The following FOCAD variants were observed in gnomAD, a reference collection of about 807,000 sequenced individuals.
FOCAD encodes the protein focadhesin, also known as KIAA1797.
Under a neutral mutation model 225.6 loss-of-function variants are expected in FOCAD, and 198 were observed. The observed-to-expected ratio is 0.88, with a 90% CI of 0.78 to 0.99. The LOEUF (loss-of-function observed/expected upper bound fraction) is 0.99. FOCAD is among the 50% of genes least tolerant of loss of function. FOCAD has a pLI of 0.00. For synonymous variants in FOCAD, 897 were observed against 755.0 expected (o/e 1.19, Z -3.08); for missense variants, 2,713 against 2,123.6 (o/e 1.28, Z -5.46).
At chr9:20,750,096 T>G (rs1828412278) in intron 5 of FOCAD, among the ~76,000 whole-genome samples, 1 of 152,168 alleles carries the variant, frequency 6.6e-6, no homozygotes, top group Non-Finnish European at 1.5e-5. Flanking sequence ...TGCTTTTTTC[T>G]TCTCTGAACA....
rs528696228 is a variant in FOCAD at position 20,694,832 on chromosome 9, A to G, written c.-33+10539A>G. Reference sequence around the variant, plus strand: ...ATTCATTAACAACCCTAACAAAATTAATACCAATTCCTAAATATTATCCAA... The same window carrying G: ...ATTCATTAACAACCCTAACAAAATTGATACCAATTCCTAAATATTATCCAA... On this transcript the variant is annotated intron_variant, in intron 1 of 43. Coordinates refer to ENST00000338382, the MANE Select transcript of FOCAD (RefSeq NM_001375567.1). 1.4e-3 allele frequency among the ~76,000 whole-genome samples: 206 copies of G among 152,336 alleles called. 1 individual carries two copies. The highest frequency in any genetic ancestry group is 4.8e-3 in the African/African-American group (198 of 41,588).
chr9:20,949,539 G>A lies in FOCAD; in HGVS notation c.3877-65G>A, dbSNP rs866141415. The A allele has an allele frequency of 6.9e-5, 71 of 1,031,718 alleles. No homozygotes were observed. The Admixed American group carries it at 6.9e-4, about 10-fold the overall frequency. 63.9% of individuals were successfully genotyped at this position (1,031,718 alleles called of 1,614,324 possible). The stretch of plus-strand genomic sequence containing the variant: ...TTAGAAGATGGATAGCTCATGCACC[G>A]GGAATATAACTCTTAACTTTTTTAT... On this transcript the variant is annotated intron_variant, in intron 32 of 43. Coordinates refer to ENST00000338382, the MANE Select transcript of FOCAD (RefSeq NM_001375567.1).
At chr9:20,673,968 G>C (rs1822154126) in intron 2 of FOCAD, among the ~76,000 whole-genome samples, 1 of 152,106 alleles carries the variant, frequency 6.6e-6, no homozygotes, top group African/African-American at 2.4e-5. Flanking sequence ...TTGAAAATTT[G>C]TCAATTGTTC....
At chr9:20,874,658 G>A in intron 18 of FOCAD, 23 bp from the exon 19 acceptor site, 2 of 1,609,494 alleles carry the variant, frequency 1.2e-6, no homozygotes, top group Non-Finnish European at 8.5e-7. Flanking sequence ...TCCTCTCTAT[G>A]ATCTTTTCGC....
chr9:20,990,911 CCAG>C (rs1205056857), intron 42 of FOCAD, among the ~76,000 whole-genome samples: 6 of 152,114 alleles, frequency 3.9e-5, no homozygotes, highest in African/African-American at 1.4e-4. Flanking sequence ...CTCCAGGCAC[CCAG>C]TGTGCCCTGG....
chr9:20,800,348 G>C (rs1345233012), intron 11 of FOCAD, among the ~76,000 whole-genome samples: 1 of 152,056 alleles, frequency 6.6e-6, no homozygotes, highest in Non-Finnish European at 1.5e-5. Context: ...TTCTCGAGGA[G>C]TATCTTTGTG....
At chr9:20,772,628 A>C (rs962700476) in intron 8 of FOCAD, among the ~76,000 whole-genome samples, 1 of 152,106 alleles carries the variant, frequency 6.6e-6, no homozygotes, top group Non-Finnish European at 1.5e-5. Flanking sequence ...TAGCATATAA[A>C]AGCTTATTGT....
chr9:20,726,757 G>T (rs572016094), intron 4 of FOCAD, among the ~76,000 whole-genome samples: 55 of 151,960 alleles, frequency 3.6e-4, no homozygotes, highest in Non-Finnish European at 6.9e-4. Flanking sequence ...TGTCTCTCAG[G>T]GTCTTCTCTT....
intron 19 of FOCAD, chr9:20,875,299 T>G (rs1830139906): frequency 6.4e-6 from 1 of 155,746 alleles, no homozygotes; most frequent in Non-Finnish European, 1.4e-5. Context: ...ATGGATCAAA[T>G]TGTATGGTCA....
At position 20,784,330 on chromosome 9, in the gene FOCAD, A is replaced by G. The variant is rs74830243; in HGVS notation, c.1197+2401A>G. ...TTGCAGTGTCTCTCCTATGCTCTCT[A>G]TTGACAAGGTCTAACACTAGACCAG... is the stretch of plus-strand genomic sequence containing the variant. On this transcript the variant is annotated intron_variant, in intron 10 of 43. Transcript: ENST00000338382. 1.8e-3 allele frequency among the ~76,000 whole-genome samples: 269 copies of G among 152,324 alleles called. 3 individuals carry two copies. The East Asian group carries it at 0.044, about 25-fold the overall frequency.
intron 1 of FOCAD, among the ~76,000 whole-genome samples, chr9:20,685,368 G>A (rs2131317027): frequency 6.6e-6 from 1 of 152,130 alleles, no homozygotes; most frequent in Admixed American, 6.5e-5. Flanking sequence ...GAGGGTAGAT[G>A]GCATGTTTCC....
intron 5 of FOCAD, among the ~76,000 whole-genome samples, chr9:20,743,524 A>AGGG (rs111931309): frequency 0.018 from 2,715 of 152,306 alleles, 76 homozygotes; most frequent in African/African-American, 0.062. Context: ...AGAACCAAGA[A>AGGG]TGTTAGGCGG....
intron 29 of FOCAD, among the ~76,000 whole-genome samples, chr9:20,946,459 G>A (rs185903427): frequency 2.6e-4 from 40 of 152,304 alleles, no homozygotes; most frequent in Non-Finnish European, 4.7e-4. Context: ...TCACTTGCTA[G>A]CTACATGAAA....
At chr9:20,931,802 G>C (rs970720162) in intron 27 of FOCAD, among the ~76,000 whole-genome samples, 4 of 151,918 alleles carry the variant, frequency 2.6e-5, no homozygotes, top group Non-Finnish European at 5.9e-5. Context: ...GGAAGCTGAG[G>C]CTTGAGAATT....
intron 35 of FOCAD, among the ~76,000 whole-genome samples, chr9:20,954,322 A>G (rs1053274785): frequency 5.9e-5 from 9 of 152,222 alleles, no homozygotes; most frequent in African/African-American, 1.7e-4. Context: ...ATGAGAATCT[A>G]AAATTTTCAT....
chr9:20,920,138 A>C (rs554287607), intron 24 of FOCAD, among the ~76,000 whole-genome samples: 30 of 152,346 alleles, frequency 2.0e-4, no homozygotes, highest in Admixed American at 1.8e-3. Flanking sequence ...CAACCCCATC[A>C]ACAAGTGGGC....
intron 1 of FOCAD, among the ~76,000 whole-genome samples, chr9:20,705,329 A>G (rs537086168): frequency 6.6e-5 from 10 of 152,174 alleles, no homozygotes; most frequent in Non-Finnish European, 1.3e-4. Flanking sequence ...TGGGTATTTT[A>G]TAGAAAATCC....
Position 20,865,919 on chromosome 9 carries a change from T to C in FOCAD, c.2056-7T>C, listed in dbSNP as rs1265131159. The C allele has an allele frequency of 6.2e-7, 1 of 1,603,602 alleles. No individual in the cohort carries two copies. Among genetic ancestry groups the C allele is most frequent in the Non-Finnish European group, 8.5e-7 (1 of 1,174,432 alleles). The stretch of plus-strand genomic sequence containing the variant: ...ACAATTTATTCTTTTGTATGTTAAC[T>C]TTTCAGAATTTTAAAGTTCAAGTCC... On this transcript the variant is annotated splice_region_variant and splice_polypyrimidine_tract_variant and intron_variant, in intron 16 of 43. Coordinates refer to ENST00000338382, the MANE Select transcript of FOCAD (RefSeq NM_001375567.1).
At chr9:20,939,221 C>G (rs191493233) in intron 28 of FOCAD, among the ~76,000 whole-genome samples, 1 of 147,552 alleles carries the variant, frequency 6.8e-6, no homozygotes, top group East Asian at 2.0e-4. Flanking sequence ...GTTGAAGTAT[C>G]TTGAAAATAG....
Sources: allele counts gnomAD v4.1 joint callset (sites outside exome capture counted in the v4.1 genomes callset), GRCh38; gene constraint gnomAD v4.1.1; transcripts MANE v1.5; gene names NCBI Gene and HGNC (gene_info 2026-07-23, HGNC 2026-07-21).